Variants in BTAF1 observed in about 807,000 individuals in gnomAD.
The protein encoded by BTAF1 is TATA-binding protein-associated factor 172.
Under a neutral mutation model 227.1 loss-of-function variants are expected in BTAF1, and 38 were observed. That is an observed-to-expected ratio of 0.17 (90% confidence interval 0.13 to 0.22). The LOEUF is 0.22. BTAF1 is among the 10% of genes least tolerant of loss of function. The pLI is 1.00. For missense variants in BTAF1, 1,598 were observed against 2,204.0 expected (o/e 0.73, Z 5.51); for synonymous variants, 742 against 751.9 (o/e 0.99, Z 0.21).
rs572741356 is a variant in BTAF1, at chr10:91,938,166, C to T, written c.139-1786C>T. On this transcript the variant is annotated intron_variant, in intron 2 of 37. Coordinates refer to ENST00000265990, the MANE Select transcript of BTAF1 (RefSeq NM_003972.3). ...TGGGTTATCATTTTATTATGAGTTG[C>T]GAAAGTTCTTCATATGGTATAGTTC... is the stretch of plus-strand genomic sequence containing the variant. Among the ~76,000 whole-genome samples the T allele has an allele frequency of 3.3e-5, 5 of 152,216 alleles. No individual in the cohort carries two copies. The South Asian group carries it at 6.2e-4, about 19-fold the overall frequency.
chr10:91,990,399 A>G (rs1848655961), intron 20 of BTAF1, among the ~76,000 whole-genome samples: 6 of 147,496 alleles, frequency 4.1e-5, no homozygotes. Context: ...GCAGTGACCA[A>G]TTTTTTTTTT....
At chr10:91,925,671 C>CT (rs1268706407) in intron 1 of BTAF1, among the ~76,000 whole-genome samples, 4 of 152,104 alleles carry the variant, frequency 2.6e-5, no homozygotes, top group Non-Finnish European at 5.9e-5. Flanking sequence ...GCCACCACAC[C>CT]TGGCTAGTTT....
At chr10:92,025,212 T>C (rs1256503786) in intron 35 of BTAF1, among the ~76,000 whole-genome samples, 2 of 152,054 alleles carry the variant, frequency 1.3e-5, no homozygotes, top group African/African-American at 4.8e-5. Flanking sequence ...TGAAAGAAAT[T>C]TAAGGCATCA....
Position 91,954,538 on chromosome 10 carries a change from T to TA in BTAF1, c.701+675dup, listed in dbSNP as rs113190004. ...CTTCAGGTGCTCTTCGAGGACCTTG[T>TA]AAAAAAAAAATGCTGTTTTTTTTTT... On this transcript the variant is annotated intron_variant, in intron 6 of 37. Transcript: ENST00000265990. Among the ~76,000 whole-genome samples the TA allele has an allele frequency of 7.4e-3, 1,108 of 148,736 alleles. 15 individuals are homozygous for TA. Among genetic ancestry groups the TA allele is most frequent in the African/African-American group, 0.015 (594 of 40,582 alleles).
chr10:91,965,774 G>A (rs918532720), intron 13 of BTAF1, among the ~76,000 whole-genome samples: 2 of 152,066 alleles, frequency 1.3e-5, no homozygotes, highest in Non-Finnish European at 2.9e-5. Context: ...CTGTGTTTAA[G>A]TTAGAATTTT....
chr10:92,021,942 G>A (rs1247015931), intron 34 of BTAF1, among the ~76,000 whole-genome samples: 2 of 152,170 alleles, frequency 1.3e-5, no homozygotes, highest in African/African-American at 4.8e-5. Flanking sequence ...GAAAAAACGG[G>A]TAATTTAGCC....
chr10:91,936,194 C>T (rs1315664207), intron 2 of BTAF1, among the ~76,000 whole-genome samples: 1 of 152,156 alleles, frequency 6.6e-6, no homozygotes, highest in Admixed American at 6.5e-5. Flanking sequence ...TGGAGGCTTT[C>T]TGCTTTGGTG....
At chr10:91,961,501 C>T (rs1032952768) in intron 11 of BTAF1, among the ~76,000 whole-genome samples, 2 of 148,462 alleles carry the variant, frequency 1.3e-5, no homozygotes, top group African/African-American at 2.5e-5. Context: ...ATTCGTGATT[C>T]TGCTGAGAGA....
At chr10:91,937,324 A>G (rs1451033809) in intron 2 of BTAF1, among the ~76,000 whole-genome samples, 1 of 152,172 alleles carries the variant, frequency 6.6e-6, no homozygotes, top group African/African-American at 2.4e-5. Flanking sequence ...TTATTAAAAT[A>G]TAATTTACAT....
rs1189730528 is a variant in BTAF1, at chr10:91,962,688, A to G, written c.1404+10A>G. The G allele has an allele frequency of 7.6e-6, 12 of 1,579,228 alleles. No homozygotes were observed. The highest frequency in any genetic ancestry group is 1.0e-5 in the Non-Finnish European group (12 of 1,165,900). On this transcript the variant is annotated intron_variant, in intron 12 of 37. Coordinates refer to ENST00000265990, the MANE Select transcript of BTAF1 (RefSeq NM_003972.3). ...TCTTCAGACACAAAAGGTAAATTAA[A>G]TATTTTTACAGTTTCTTACTATAGA...
intron 14 of BTAF1, among the ~76,000 whole-genome samples, chr10:91,979,022 T>G (rs530571151): frequency 6.6e-6 from 1 of 152,082 alleles, no homozygotes. Flanking sequence ...TGTTCCTCTC[T>G]TTGTGTCCTT....
At chr10:91,965,360 G>T (rs1474322670) in intron 13 of BTAF1, among the ~76,000 whole-genome samples, 3 of 152,074 alleles carry the variant, frequency 2.0e-5, no homozygotes, top group Non-Finnish European at 4.4e-5. Context: ...TTGTGAGCCA[G>T]TCTGTCTGTC....
At chr10:91,958,311 C>CT (rs1846240616) in intron 8 of BTAF1, among the ~76,000 whole-genome samples, 1 of 152,138 alleles carries the variant, frequency 6.6e-6, no homozygotes, top group South Asian at 2.1e-4. Flanking sequence ...CCACCTGGGC[C>CT]TTCCAAAGTG....
chr10:91,970,827 T>C (rs2133939070), intron 14 of BTAF1, among the ~76,000 whole-genome samples: 1 of 152,342 alleles, frequency 6.6e-6, no homozygotes, highest in East Asian at 1.9e-4. Context: ...GACAGCAGCA[T>C]TAAAAGACAA....
chr10:91,991,810 TATATATATATATATATATATATACACAC>T (rs1848803247), intron 20 of BTAF1, among the ~76,000 whole-genome samples: 4 of 21,786 alleles, frequency 1.8e-4, no homozygotes, highest in African/African-American at 2.8e-4. Context: ...TATATATATA[TATATATATATATATATATATATACACAC>T]ATATATACAC....
At chr10:91,924,695 A>T (rs1054005143) in intron 1 of BTAF1, among the ~76,000 whole-genome samples, 1 of 152,232 alleles carries the variant, frequency 6.6e-6, no homozygotes, top group Non-Finnish European at 1.5e-5. Context: ...TAAATCACAG[A>T]TCTTATATTC....
At chr10:91,987,751 C>G (rs1332948107) in intron 19 of BTAF1, among the ~76,000 whole-genome samples, 1 of 152,008 alleles carries the variant, frequency 6.6e-6, no homozygotes, top group Non-Finnish European at 1.5e-5. Context: ...TCTAAATGCT[C>G]TATCTCTTAT....
Position 92,011,137 on chromosome 10 carries a change from A to G in BTAF1, c.4168A>G (p.Ile1390Val). Residue 1390 changes from isoleucine to valine, a missense_variant, in exon 29 of 38, where the codon ATA becomes GTA. Ile to Val is a conservative substitution (Grantham distance 29). Around this residue, in one of 10 missense-constraint regions of BTAF1, gnomAD observed 184 missense variants for 341.1 expected, o/e 0.54. Coordinates refer to ENST00000265990, the MANE Select transcript of BTAF1 (RefSeq NM_003972.3). ...VASYDVVRND[I>V]DFFRNIKFNY... ...TTCATATGATGTTGTGAGGAATGAC[A>G]TAGATTTCTTTAGGTAAGAATTAAT... The G allele has an allele frequency of 6.3e-7, 1 of 1,599,604 alleles. No homozygotes were observed. The highest frequency in any genetic ancestry group is 8.5e-7 in the Non-Finnish European group (1 of 1,174,548).
At chr10:91,986,621 T>G (rs151323662) in intron 19 of BTAF1, among the ~76,000 whole-genome samples, 1 of 152,278 alleles carries the variant, frequency 6.6e-6, no homozygotes, top group African/African-American at 2.4e-5. Flanking sequence ...TAAGTTTTCC[T>G]TTTTGCCTCC....
Sources: gnomAD v4.1 joint callset for allele counts (sites outside exome capture counted in the v4.1 genomes callset) on GRCh38, gnomAD v4.1.1 for gene constraint, gnomAD v4.1.1 regional missense constraint, MANE v1.5 for transcripts, NCBI Gene and HGNC (gene_info 2026-07-23, HGNC 2026-07-21) for gene names.